SPATA16: variants seen among roughly 807,000 people sequenced by gnomAD.
The protein encoded by SPATA16 is spermatogenesis-associated protein 16.
In SPATA16, 36 loss-of-function variants were observed where a neutral mutation model predicts 63.3. The observed-to-expected ratio is 0.57, with a 90% CI of 0.44 to 0.75. The LOEUF (loss-of-function observed/expected upper bound fraction) is 0.75, where lower values mean the gene tolerates loss of function less well. SPATA16 is among the 30% of genes least tolerant of loss of function. The pLI, the probability that SPATA16 is intolerant of heterozygous loss-of-function variation, is 0.00. For synonymous variants in SPATA16, 203 were observed against 216.7 expected, an observed-to-expected ratio of 0.94 and a Z score of 0.56; for missense variants, 646 against 679.3, an observed-to-expected ratio of 0.95 and a Z score of 0.54.
chr3:172,955,847 T>A (rs1399718415), intron 6 of SPATA16, among the ~76,000 whole-genome samples: 1 of 152,154 alleles, frequency 6.6e-6, no homozygotes, highest in Non-Finnish European at 1.5e-5. Context: ...TCATTGATTA[T>A]GGGAATATCA....
intron 2 of SPATA16, among the ~76,000 whole-genome samples, chr3:173,053,542 A>G (rs1736149221): frequency 6.6e-6 from 1 of 152,236 alleles, no homozygotes. Context: ...AACAGATACA[A>G]ATAACATAAA....
At chr3:172,921,708 T>A (rs577455420) in intron 8 of SPATA16, among the ~76,000 whole-genome samples, 1 of 152,272 alleles carries the variant, frequency 6.6e-6, no homozygotes, top group South Asian at 2.1e-4. Context: ...CCAATACAAA[T>A]AATTAAAACT....
Position 172,889,497 on chromosome 3 carries a change from A to AGT in SPATA16, c.*72_*73insAC. 3 of 1,597,614 alleles carry AGT rather than the reference A, an allele frequency of 1.9e-6. No individual in the cohort carries two copies. The highest frequency in any genetic ancestry group is 2.2e-5 in the South Asian group (2 of 90,608). On this transcript the variant is annotated 3_prime_UTR_variant, in exon 11 of 11. Transcript: ENST00000351008. ...TTTTGTTATCCAGCTTCACAGTACTAGGTGGGCATTGGAGTGGATGCCCTT... is the reference window on the plus strand; with the variant it reads ...TTTTGTTATCCAGCTTCACAGTACTAGTGGTGGGCATTGGAGTGGATGCCCTT...
At chr3:172,927,609 G>A (rs1560069178) in intron 6 of SPATA16, among the ~76,000 whole-genome samples, 1 of 152,164 alleles carries the variant, frequency 6.6e-6, no homozygotes. Flanking sequence ...CCACCTTACA[G>A]ATGATAAAGC....
chr3:173,055,136 A>G (rs1287475782), intron 2 of SPATA16, among the ~76,000 whole-genome samples: 3 of 152,226 alleles, frequency 2.0e-5, no homozygotes, highest in Non-Finnish European at 4.4e-5. Flanking sequence ...TGGCAACACC[A>G]CTGAGAATGT....
At chr3:173,043,867 T>A (rs1735901947) in intron 3 of SPATA16, among the ~76,000 whole-genome samples, 1 of 152,260 alleles carries the variant, frequency 6.6e-6, no homozygotes, top group Non-Finnish European at 1.5e-5. Flanking sequence ...TCATTTTACT[T>A]GCTGAAAATC....
chr3:173,036,511 A>T (rs1216827720), intron 3 of SPATA16, among the ~76,000 whole-genome samples: 1 of 152,072 alleles, frequency 6.6e-6, no homozygotes, highest in Non-Finnish European at 1.5e-5. Flanking sequence ...ATGGATAAAC[A>T]ATCCAATCAA....
chr3:172,961,125 C>T (rs1346766114), intron 5 of SPATA16, among the ~76,000 whole-genome samples: 2 of 128,196 alleles, frequency 1.6e-5, no homozygotes, highest in African/African-American at 5.8e-5. Context: ...TTCCTTCCTT[C>T]CTTTCTCTTT....
intron 6 of SPATA16, among the ~76,000 whole-genome samples, chr3:172,929,056 A>G (rs910204080): frequency 1.3e-5 from 2 of 152,214 alleles, no homozygotes; most frequent in African/African-American, 4.8e-5. Flanking sequence ...TCTGATGGAT[A>G]TAAAAGTTAA....
At chr3:172,911,929 C>T (rs1354670644) in intron 10 of SPATA16, among the ~76,000 whole-genome samples, 2 of 152,202 alleles carry the variant, frequency 1.3e-5, no homozygotes, top group Admixed American at 6.5e-5. Context: ...TCTGTAGCCC[C>T]TCAATCTCTT....
intron 4 of SPATA16, among the ~76,000 whole-genome samples, chr3:172,990,035 C>T (rs1482260605): frequency 6.6e-6 from 1 of 152,146 alleles, no homozygotes; most frequent in Non-Finnish European, 1.5e-5. Flanking sequence ...TATGTCATCT[C>T]TTAGAGCCCT....
At chr3:173,029,950 A>G (rs1735561978) in intron 3 of SPATA16, among the ~76,000 whole-genome samples, 1 of 152,060 alleles carries the variant, frequency 6.6e-6, no homozygotes, top group African/African-American at 2.4e-5. Context: ...CCTATTTGTT[A>G]CATTCATGCC....
At chr3:173,034,903 T>C (rs1025632534) in intron 3 of SPATA16, among the ~76,000 whole-genome samples, 1 of 152,186 alleles carries the variant, frequency 6.6e-6, no homozygotes, top group African/African-American at 2.4e-5. Context: ...TTCTTTGTAA[T>C]ACACACTCCT....
At chr3:173,000,178 C>T (rs1015955376) in intron 4 of SPATA16, among the ~76,000 whole-genome samples, 53 of 152,150 alleles carry the variant, frequency 3.5e-4, no homozygotes, top group African/African-American at 1.0e-3. Flanking sequence ...TTGCCCTTTC[C>T]AGCATGTGAG....
chr3:173,093,109 C>T (rs1737265946), intron 2 of SPATA16, among the ~76,000 whole-genome samples: 1 of 150,858 alleles, frequency 6.6e-6, no homozygotes, highest in Non-Finnish European at 1.5e-5. Context: ...TTATGATTGA[C>T]AGTTATCTCT....
At chr3:173,122,775 T>C (rs1303637227) in intron 1 of SPATA16, among the ~76,000 whole-genome samples, 1 of 152,160 alleles carries the variant, frequency 6.6e-6, no homozygotes, top group Non-Finnish European at 1.5e-5. Flanking sequence ...AGGTGGAGGA[T>C]GAAAAGAGGA....
At chr3:172,943,744 A>G (rs1473395412) in intron 6 of SPATA16, among the ~76,000 whole-genome samples, 8 of 152,188 alleles carry the variant, frequency 5.3e-5, no homozygotes, top group Non-Finnish European at 1.2e-4. Flanking sequence ...CATCTTAAAA[A>G]CAAAAACAGA....
At chr3:173,130,292 A>T (rs1738339259) in intron 1 of SPATA16, among the ~76,000 whole-genome samples, 1 of 143,084 alleles carries the variant, frequency 7.0e-6, no homozygotes, top group African/African-American at 2.5e-5. Flanking sequence ...CCTGAGAGTC[A>T]GAGGTTGCAG....
chr3:172,916,342 T>C lies in SPATA16; in HGVS notation c.1478A>G (p.Asp493Gly), dbSNP rs1732485250. Residue 493 changes from aspartate (D) to glycine (G), a missense_variant, in exon 9 of 11, where the codon GAC becomes GGC. Physicochemically the swap from Asp to Gly is moderately conservative, Grantham distance 94. Coordinates refer to ENST00000351008, the MANE Select transcript of SPATA16 (RefSeq NM_031955.6). ...AELATIPYLQDISQQEAELLQ... is the reference protein window; with the variant it reads ...AELATIPYLQGISQQEAELLQ... ...CAATTCTGCCTCCTGTTGACTGATGTCCTGTAGGTAGGGAATGGTTGCTAG... is the reference window on the plus strand; with the variant it reads ...CAATTCTGCCTCCTGTTGACTGATGCCCTGTAGGTAGGGAATGGTTGCTAG... 6.2e-7 allele frequency: 1 copy of C among 1,613,678 alleles called. No homozygotes were observed. The highest frequency in any genetic ancestry group is 8.5e-7 in the Non-Finnish European group (1 of 1,179,668).
Sources: allele counts gnomAD v4.1 joint callset (sites outside exome capture counted in the v4.1 genomes callset), GRCh38; gene constraint gnomAD v4.1.1; transcripts MANE v1.5; gene names NCBI Gene and HGNC (gene_info 2026-07-23, HGNC 2026-07-21).